Variants in ANO3 observed in about 807,000 individuals in gnomAD.
ANO3 encodes anoctamin-3.
A neutral mutation model predicts 144.8 loss-of-function variants in ANO3; 99 were observed. The observed-to-expected ratio is 0.68, with a 90% confidence interval of 0.58 to 0.81. ANO3 has a LOEUF of 0.81. Ranked by LOEUF, ANO3 falls within the 30% of genes least tolerant of loss-of-function variation. The probability of loss-of-function intolerance (pLI) is 0.00; values close to 1 mark genes in which losing one functional copy is unlikely to be tolerated. For synonymous variants in ANO3, 414 were observed against 392.6 expected (o/e 1.05, Z -0.64); for missense variants, 905 against 1,202.2 (o/e 0.75, Z 3.66).
intron 4 of ANO3, among the ~76,000 whole-genome samples, chr11:26,475,992 T>C (rs1040879182): frequency 1.3e-5 from 2 of 152,120 alleles, no homozygotes; most frequent in African/African-American, 4.8e-5. Context: ...GAGCTTCTGA[T>C]AACAGTAGCT....
intron 1 of ANO3, among the ~76,000 whole-genome samples, chr11:26,213,720 T>G (rs1851981168): frequency 6.6e-6 from 1 of 152,108 alleles, no homozygotes; most frequent in Admixed American, 6.6e-5. Context: ...ATTTACAGAT[T>G]CTATGCTATC....
intron 1 of ANO3, among the ~76,000 whole-genome samples, chr11:26,345,412 G>T (rs975866623): frequency 6.6e-6 from 1 of 152,154 alleles, no homozygotes; most frequent in Admixed American, 6.5e-5. Flanking sequence ...AAATTTTAGG[G>T]TATCGTGGCA....
chr11:26,656,122 C>T lies in ANO3; in HGVS notation c.2577-3C>T, dbSNP rs1853680844. On this transcript the variant is annotated splice_region_variant and splice_polypyrimidine_tract_variant and intron_variant, in intron 24 of 26. Transcript: ENST00000256737. The stretch of plus-strand genomic sequence containing the variant: ...ATCACATGATATTTTTCTTTTCTCC[C>T]AGTTGCTTGAAGGGATATGTCAACA... 1 of 1,608,234 alleles carries T rather than the reference C, an allele frequency of 6.2e-7. No homozygotes were observed.
At position 26,643,349 on chromosome 11, in the gene ANO3, T is replaced by G. The variant is rs1397015912; in HGVS notation, c.2428+15T>G. On this transcript the variant is annotated intron_variant, in intron 23 of 26. Transcript: ENST00000256737. ...AACTGACATAGGTAAGATTCGGAAG[T>G]TAAATGATTTTTACGTTGCTAACAC... 3 of 1,613,268 alleles carry G rather than the reference T, an allele frequency of 1.9e-6. No homozygotes were observed. Among genetic ancestry groups the G allele is most frequent in the Non-Finnish European group, 2.5e-6 (3 of 1,179,744 alleles).
intron 17 of ANO3, among the ~76,000 whole-genome samples, chr11:26,599,988 G>A (rs987142272): frequency 2.6e-5 from 4 of 151,862 alleles, no homozygotes; most frequent in Admixed American, 1.3e-4. Context: ...TTAGTATCTC[G>A]TGTGTGCTAG....
intron 1 of ANO3, among the ~76,000 whole-genome samples, chr11:26,360,621 T>C (rs1006343267): frequency 6.6e-6 from 1 of 152,158 alleles, no homozygotes; most frequent in Non-Finnish European, 1.5e-5. Context: ...TTAGGTCTAG[T>C]TGTCACCCAG....
chr11:26,341,778 G>A (rs775858783), intron 1 of ANO3, among the ~76,000 whole-genome samples: 3 of 152,268 alleles, frequency 2.0e-5, no homozygotes, highest in South Asian at 4.1e-4. Context: ...CTAAAGGCCC[G>A]GGAATCCCTG....
At chr11:26,190,578 C>A (rs945867825) in intron 1 of ANO3, among the ~76,000 whole-genome samples, 7 of 152,044 alleles carry the variant, frequency 4.6e-5, no homozygotes, top group Non-Finnish European at 1.0e-4. Flanking sequence ...TTTAAATATT[C>A]ATGTCTTTTT....
chr11:26,491,458 C>T (rs1273070683), intron 4 of ANO3, among the ~76,000 whole-genome samples: 1 of 152,104 alleles, frequency 6.6e-6, no homozygotes, highest in African/African-American at 2.4e-5. Context: ...TCAACTGGCT[C>T]AAAAATTACT....
chr11:26,270,029 G>A (rs1853406945), intron 1 of ANO3, among the ~76,000 whole-genome samples: 1 of 152,172 alleles, frequency 6.6e-6, no homozygotes, highest in African/African-American at 2.4e-5. Flanking sequence ...AGAAACCAAG[G>A]AGAGAGGCCT....
At position 26,553,352 on chromosome 11, in the gene ANO3, G is replaced by A. The variant is rs1392808102; in HGVS notation, c.1386+7G>A. On this transcript the variant is annotated splice_region_variant and intron_variant, in intron 13 of 26. Transcript: ENST00000256737. ...CAGCTGTATCTATGCCAAGGTGAGT[G>A]TGGACCCTCACATTCTCCTCCCTGA... 3.1e-6 allele frequency: 5 copies of A among 1,599,142 alleles called. No individual in the cohort carries two copies. Among genetic ancestry groups the A allele is most frequent in the Non-Finnish European group, 4.3e-6 (5 of 1,167,836 alleles).
At position 26,531,359 on chromosome 11, in the gene ANO3, A is replaced by G. The variant is rs773796711; in HGVS notation, c.869+23A>G. 10 of 1,595,168 alleles carry G rather than the reference A, an allele frequency of 6.3e-6. No homozygotes were observed. The East Asian group carries it at 1.4e-4, about 22-fold the overall frequency. On this transcript the variant is annotated intron_variant, in intron 8 of 26. Transcript: ENST00000256737. ...CCAGTGAGTTCCCCTCTTTTTTCATACTGCCTACCTTTATATCTTGGTGGG... is the reference window on the plus strand; with the variant it reads ...CCAGTGAGTTCCCCTCTTTTTTCATGCTGCCTACCTTTATATCTTGGTGGG...
At chr11:26,450,891 T>C (rs1858905948) in intron 3 of ANO3, among the ~76,000 whole-genome samples, 1 of 152,220 alleles carries the variant, frequency 6.6e-6, no homozygotes, top group South Asian at 2.1e-4. Flanking sequence ...TGGAATAATT[T>C]AGCTATTAAA....
intron 14 of ANO3, among the ~76,000 whole-genome samples, chr11:26,593,960 G>A (rs1332745995): frequency 6.6e-6 from 1 of 152,112 alleles, no homozygotes; most frequent in Non-Finnish European, 1.5e-5. Flanking sequence ...GGGGCCTAAG[G>A]CGGACTTTTG....
At chr11:26,491,687 T>C (rs1860715044) in intron 4 of ANO3, among the ~76,000 whole-genome samples, 1 of 152,194 alleles carries the variant, frequency 6.6e-6, no homozygotes. Flanking sequence ...ATAAGAAATT[T>C]TGCTTTTTGA....
rs1434749463 is a variant in ANO3, at chr11:26,641,918, C to T, written c.2164C>T (p.Arg722Ter). The T allele has an allele frequency of 3.7e-6, 6 of 1,613,622 alleles. No individual in the cohort carries two copies. Among genetic ancestry groups the T allele is most frequent in the Middle Eastern group, 1.7e-4 (1 of 6,060 alleles). The change falls in exon 22 of 27, where the codon CGA becomes TGA. Residue 722 changes from arginine to a stop codon, truncating the protein, a stop_gained. Coordinates refer to ENST00000256737, the MANE Select transcript of ANO3 (RefSeq NM_031418.4). LOFTEE classifies it high-confidence loss of function. ...TAGGTTGATCCAGAACTGGTGGTCACGACATAAAATCAAGCGGGGAATACA... is the reference window on the plus strand; with the variant it reads ...TAGGTTGATCCAGAACTGGTGGTCATGACATAAAATCAAGCGGGGAATACA... ...GYPLIQNWWS[R>*]HKIKRGIHDA...
intron 24 of ANO3, among the ~76,000 whole-genome samples, chr11:26,648,740 C>A (rs1853429741): frequency 6.6e-6 from 1 of 152,126 alleles, no homozygotes; most frequent in Non-Finnish European, 1.5e-5. Context: ...GCACATGAAA[C>A]AGAGCTGTAG....
At chr11:26,228,946 T>G (rs961357781) in intron 1 of ANO3, among the ~76,000 whole-genome samples, 1 of 152,210 alleles carries the variant, frequency 6.6e-6, no homozygotes, top group African/African-American at 2.4e-5. Context: ...ACTGAAAAAT[T>G]CTGACCATGT....
chr11:26,614,789 G>T (rs1055003686), intron 17 of ANO3, among the ~76,000 whole-genome samples: 1 of 152,126 alleles, frequency 6.6e-6, no homozygotes, highest in Non-Finnish European at 1.5e-5. Context: ...TAGAAGTAGG[G>T]TGTCTTCCTC....
Sources: gnomAD v4.1 joint callset for allele counts (sites outside exome capture counted in the v4.1 genomes callset) on GRCh38, gnomAD v4.1.1 for gene constraint, MANE v1.5 for transcripts, NCBI Gene and HGNC (gene_info 2026-07-23, HGNC 2026-07-21) for gene names.